CACNA1E: variants seen among roughly 807,000 people sequenced by gnomAD.
CACNA1E encodes voltage-dependent R-type calcium channel subunit alpha-1E.
Under a neutral mutation model 259.2 loss-of-function variants are expected in CACNA1E, and 40 were observed. The ratio of observed to expected loss-of-function variants is 0.15; its 90% confidence interval spans 0.12 to 0.20. The LOEUF (loss-of-function observed/expected upper bound fraction) is 0.20, where lower values mean the gene tolerates loss of function less well. Among genes scored for constraint, CACNA1E ranks in the 10% least tolerant of loss-of-function variants. The probability of loss-of-function intolerance (pLI) is 1.00; values close to 1 mark genes in which losing one functional copy is unlikely to be tolerated. For missense variants in CACNA1E, 1,874 were observed against 3,040.1 expected, an observed-to-expected ratio of 0.62 and a Z score of 9.02; for synonymous variants, 1,104 against 1,138.5, an observed-to-expected ratio of 0.97 and a Z score of 0.61.
At chr1:181,601,617 T>G (rs546040098) in intron 6 of CACNA1E, among the ~76,000 whole-genome samples, 1 of 152,314 alleles carries the variant, frequency 6.6e-6, no homozygotes, top group South Asian at 2.1e-4. Flanking sequence ...ATATTCAACA[T>G]TTATCCAGAA....
intron 1 of CACNA1E, among the ~76,000 whole-genome samples, chr1:181,484,804 T>C (rs578105388): frequency 6.6e-6 from 1 of 152,306 alleles, no homozygotes; most frequent in Non-Finnish European, 1.5e-5. Context: ...GTGGATCGGC[T>C]GGGCCTGAAT....
chr1:181,743,856 T>C (rs1656813460), intron 25 of CACNA1E, among the ~76,000 whole-genome samples: 1 of 152,190 alleles, frequency 6.6e-6, no homozygotes, highest in African/African-American at 2.4e-5. Flanking sequence ...GCACAGATGG[T>C]TTAATAGAAA....
intron 2 of CACNA1E, among the ~76,000 whole-genome samples, chr1:181,428,917 C>G (rs1659505643): frequency 6.6e-6 from 1 of 152,118 alleles, no homozygotes; most frequent in African/African-American, 2.4e-5. Context: ...TGCGGTGGCT[C>G]ATGCCTGTAA....
intron 1 of CACNA1E, among the ~76,000 whole-genome samples, chr1:181,395,832 G>C (rs1371875694): frequency 1.3e-5 from 2 of 152,228 alleles, no homozygotes. Context: ...AAGGGGGCAA[G>C]AGTGATCAAT....
At chr1:181,705,490 G>A (rs1275043791) in intron 7 of CACNA1E, among the ~76,000 whole-genome samples, 1 of 152,202 alleles carries the variant, frequency 6.6e-6, no homozygotes, top group Non-Finnish European at 1.5e-5. Flanking sequence ...TAGTTTCCAT[G>A]ACTGAAATTT....
chr1:181,361,245 T>G (rs1255677819), intron 1 of CACNA1E, among the ~76,000 whole-genome samples: 1 of 152,176 alleles, frequency 6.6e-6, no homozygotes. Context: ...CTTCCTTCCC[T>G]GAGGCAATGT....
At chr1:181,638,228 T>C (rs1305287368) in intron 6 of CACNA1E, among the ~76,000 whole-genome samples, 1 of 152,190 alleles carries the variant, frequency 6.6e-6, no homozygotes, top group Non-Finnish European at 1.5e-5. Flanking sequence ...TGTGACAGTC[T>C]TCCAACCTTA....
chr1:181,568,363 C>A (rs1030156626), intron 3 of CACNA1E, among the ~76,000 whole-genome samples: 3 of 152,174 alleles, frequency 2.0e-5, no homozygotes, highest in Admixed American at 1.3e-4. Context: ...CCAAGGTAAA[C>A]ACCCAGTTAT....
Position 181,686,607 on chromosome 1 carries a change from A to T in CACNA1E, c.1056-24347A>T, listed in dbSNP as rs946785486. Among the ~76,000 whole-genome samples, 5 of 152,042 alleles carry T rather than the reference A, an allele frequency of 3.3e-5. 1 individual carries two copies. The highest frequency in any genetic ancestry group is 2.4e-5 in the African/African-American group (1 of 41,408). Reference sequence around the variant, plus strand: ...TGGCCAGAGCCAAGTTTTTTAAGGGATGGCTTCACGTCTGAGTTTTGGCCT... The same window carrying T: ...TGGCCAGAGCCAAGTTTTTTAAGGGTTGGCTTCACGTCTGAGTTTTGGCCT... On this transcript the variant is annotated intron_variant, in intron 7 of 47. Coordinates refer to ENST00000367573, the MANE Select transcript of CACNA1E (RefSeq NM_001205293.3).
At chr1:181,342,367 T>A (rs1652226438) in intron 1 of CACNA1E, among the ~76,000 whole-genome samples, 1 of 152,162 alleles carries the variant, frequency 6.6e-6, no homozygotes, top group Non-Finnish European at 1.5e-5. Flanking sequence ...TGTTTAAGAC[T>A]ATTTTGGCAC....
chr1:181,399,819 A>C (rs1416101962), intron 1 of CACNA1E, among the ~76,000 whole-genome samples: 2 of 152,242 alleles, frequency 1.3e-5, no homozygotes, highest in African/African-American at 4.8e-5. Flanking sequence ...TTTCTTTGGT[A>C]AGGAATTTAC....
chr1:181,377,866 G>A (rs777443913), intron 1 of CACNA1E, among the ~76,000 whole-genome samples: 1 of 152,172 alleles, frequency 6.6e-6, no homozygotes, highest in African/African-American at 2.4e-5. Context: ...AGGCAGTCTG[G>A]CTCCAGCATT....
At chr1:181,408,809 G>A (rs1048240105) in intron 1 of CACNA1E, among the ~76,000 whole-genome samples, 20 of 152,198 alleles carry the variant, frequency 1.3e-4, no homozygotes, top group African/African-American at 3.6e-4. Context: ...TCATTAGCTC[G>A]TTCTTGGGCA....
chr1:181,454,468 C>T (rs562116961), intron 2 of CACNA1E, among the ~76,000 whole-genome samples: 2 of 152,256 alleles, frequency 1.3e-5, no homozygotes, highest in East Asian at 3.9e-4. Flanking sequence ...TGAAATGAAG[C>T]TCCAAAGGCA....
At chr1:181,606,599 T>G (rs1041258479) in intron 6 of CACNA1E, among the ~76,000 whole-genome samples, 1 of 152,230 alleles carries the variant, frequency 6.6e-6, no homozygotes, top group Non-Finnish European at 1.5e-5. Flanking sequence ...CCAGAAGGAT[T>G]TTTAAACAAT....
rs370901543 is a variant in CACNA1E at position 181,763,414 on chromosome 1, C to T, written c.4698C>T (p.Asn1566=). 1.9e-6 allele frequency: 3 copies of T among 1,587,488 alleles called. No homozygotes were observed. The highest frequency in any genetic ancestry group is 2.6e-6 in the Non-Finnish European group (3 of 1,161,630). Residue 1566 remains asparagine, a synonymous_variant, in exon 34 of 48, where the codon AAC becomes AAT. Coordinates refer to ENST00000367573, the MANE Select transcript of CACNA1E (RefSeq NM_001205293.3). The part of the protein sequence containing the change: ...EIILTDSKLV[N]TSGFNMSFLK... ...TCCTTTTGGTCCACCAGCTGGTGAACACCAGTGGCTTCAATATGAGCTTTC... is the reference window on the plus strand; with the variant it reads ...TCCTTTTGGTCCACCAGCTGGTGAATACCAGTGGCTTCAATATGAGCTTTC...
chr1:181,534,315 G>T (rs1453321172), intron 3 of CACNA1E, among the ~76,000 whole-genome samples: 1 of 152,090 alleles, frequency 6.6e-6, no homozygotes, highest in South Asian at 2.1e-4. Context: ...ATTATTGTGG[G>T]TGCTATTGAA....
At chr1:181,734,096 C>A (rs1655797399) in intron 21 of CACNA1E, among the ~76,000 whole-genome samples, 1 of 152,128 alleles carries the variant, frequency 6.6e-6, no homozygotes, top group Admixed American at 6.5e-5. Context: ...CTCTGCTGCC[C>A]TGGCAAGTTA....
rs370694806 is a variant in CACNA1E, at chr1:181,400,923, C to T, written c.-14-12210C>T. 8.5e-5 allele frequency among the ~76,000 whole-genome samples: 13 copies of T among 152,322 alleles called. No individual in the cohort carries two copies. The East Asian group carries it at 1.4e-3, about 16-fold the overall frequency. ...CCTGCTCTCCCACGGTCTGTCCTCA[C>T]CAGCAGCTACACAGGAGTGTCATGC... On this transcript the variant is annotated intron_variant, in intron 1 of 11. Transcript: ENST00000524607.
Sources: gnomAD v4.1 joint callset for allele counts (sites outside exome capture counted in the v4.1 genomes callset) on GRCh38, gnomAD v4.1.1 for gene constraint, MANE v1.5 for transcripts, NCBI Gene and HGNC (gene_info 2026-07-23, HGNC 2026-07-21) for gene names.